Variants in MBNL3 observed in about 807,000 individuals in gnomAD.
MBNL3 encodes the protein muscleblind like splicing regulator 3, also known as muscleblind-like protein 3.
A neutral mutation model predicts 24.5 loss-of-function variants in MBNL3; 6 were observed. That is an observed-to-expected ratio of 0.25 (90% CI 0.13 to 0.48). MBNL3 has a LOEUF of 0.48. Among genes scored for constraint, MBNL3 ranks in the 20% least tolerant of loss-of-function variants. The probability of loss-of-function intolerance (pLI) is 0.99; values close to 1 mark genes in which losing one functional copy is unlikely to be tolerated. For synonymous variants in MBNL3, 100 were observed against 101.7 expected (o/e 0.98, Z 0.10); for missense variants, 230 against 293.5 (o/e 0.78, Z 1.58).
At chrX:132,391,384 A>T (rs1937153207) in intron 4 of MBNL3, among the ~76,000 whole-genome samples, 1 of 112,170 alleles carries the variant, frequency 8.9e-6, no homozygotes, top group African/African-American at 3.2e-5. Flanking sequence ...CAGTTAATAC[A>T]CAGCCTTAAG....
chrX:132,400,179 A>G (rs1202024178), intron 3 of MBNL3, among the ~76,000 whole-genome samples: 2 of 111,641 alleles, frequency 1.8e-5, no homozygotes, highest in Non-Finnish European at 3.8e-5. Flanking sequence ...ATATGTAACT[A>G]ACCTGCACAT....
At chrX:132,393,631 C>T (rs1293422646) in intron 3 of MBNL3, among the ~76,000 whole-genome samples, 1 of 111,229 alleles carries the variant, frequency 9.0e-6, no homozygotes, top group Non-Finnish European at 1.9e-5. Context: ...CTCAATGATA[C>T]ATTTTAAAAG....
In MBNL3 at chrX:132,443,984, T is replaced by TCCCCCCCCCCCCCCC. The variant is rs762809506; in HGVS notation, c.-703-3671_-703-3670insGGGGGGGGGGGGGGG. Among the ~76,000 whole-genome samples the TCCCCCCCCCCCCCCC allele has an allele frequency of 1.1e-3, 7 of 6,154 alleles. 3 individuals carry two copies. The highest frequency in any genetic ancestry group is 1.4e-3 in the Non-Finnish European group (5 of 3,556). The allele number at this position is 6,154 out of a possible 115,157, so 5.3% of individuals were successfully genotyped here. A position where few individuals can be genotyped will look rare whatever the true frequency, so the allele number is the denominator to read the frequency against. ...AAACTCAAGCAGCCTGACTCCAGAG[T>TCCCCCCCCCCCCCCC]CCGCCCCCCCCCCCCCCCCCCACCT... On this transcript the variant is annotated intron_variant, in intron 1 of 8. Coordinates refer to ENST00000370853, the MANE Select transcript of MBNL3 (RefSeq NM_001386889.1).
chrX:132,384,828 A>G (rs890900756), intron 6 of MBNL3, 130 bp from the exon 7 acceptor site: 7 of 462,267 alleles, frequency 1.5e-5, no homozygotes, highest in Non-Finnish European at 2.3e-5. Context: ...TGCAAGTCCA[A>G]CAATCTCCCA....
chrX:132,380,390 C>A (rs917029729), intron 8 of MBNL3, among the ~76,000 whole-genome samples: 3 of 111,837 alleles, frequency 2.7e-5, no homozygotes, highest in African/African-American at 9.8e-5. Flanking sequence ...CAAATGACAC[C>A]TCTGGAAACA....
intron 1 of MBNL3, among the ~76,000 whole-genome samples, chrX:132,441,879 G>A (rs192609255): frequency 3.6e-4 from 40 of 112,251 alleles, no homozygotes; most frequent in Non-Finnish European, 6.0e-4. Flanking sequence ...TAAACAAAAT[G>A]TGGTATATCC....
At chrX:132,388,703 CTG>C (rs781653730) in intron 5 of MBNL3, among the ~76,000 whole-genome samples, 2 of 111,140 alleles carry the variant, frequency 1.8e-5, no homozygotes, top group Non-Finnish European at 1.9e-5. Flanking sequence ...AGGTGTGAGA[CTG>C]TGGATGAACT....
chrX:132,393,570 C>T (rs111814703), intron 3 of MBNL3, among the ~76,000 whole-genome samples: 2 of 111,192 alleles, frequency 1.8e-5, no homozygotes. Context: ...TGATAGTTCT[C>T]ATCTCCCCTA....
At chrX:132,487,533 C>T (rs913286265) in intron 1 of MBNL3, among the ~76,000 whole-genome samples, 2 of 112,381 alleles carry the variant, frequency 1.8e-5, no homozygotes, top group Non-Finnish European at 3.8e-5. Context: ...CCTTTCCACA[C>T]ACTTGCTAAA....
intron 1 of MBNL3, among the ~76,000 whole-genome samples, chrX:132,441,453 A>G (rs930486714): frequency 8.9e-6 from 1 of 112,393 alleles, no homozygotes; most frequent in African/African-American, 3.2e-5. Context: ...CAGAAGTTCT[A>G]TGACTGCTCT....
Position 132,382,249 on chromosome X carries a change from G to T in MBNL3, c.982C>A (p.Pro328Thr), listed in dbSNP as rs1354391844. The T allele has an allele frequency of 1.7e-6, 2 of 1,204,523 alleles. No individual in the cohort carries two copies. The highest frequency in any genetic ancestry group is 4.4e-5 in the Admixed American group (2 of 45,869). Residue 328 changes from proline (P) to threonine (T), a missense_variant, in exon 8 of 9, where the codon CCT (proline) becomes ACT (threonine). Transcript: ENST00000370853. ...NIVPMMHGAT[P>T]TTVSAATTPA... Reference sequence around the variant, plus strand: ...GTTGTTGCTGCAGACACAGTGGTAGGTGTAGCACCGTGCATCATGGGCACT... The same window carrying T: ...GTTGTTGCTGCAGACACAGTGGTAGTTGTAGCACCGTGCATCATGGGCACT...
intron 1 of MBNL3, among the ~76,000 whole-genome samples, chrX:132,474,104 G>A: frequency 9.0e-6 from 1 of 111,314 alleles, no homozygotes; most frequent in East Asian, 2.8e-4. Flanking sequence ...AACCAGACCT[G>A]AGGTTTGTTA....
chrX:132,437,947 C>CAA (rs1031599016), intron 2 of MBNL3: 8 of 567,106 alleles, frequency 1.4e-5, no homozygotes, highest in Non-Finnish European at 1.5e-5. Flanking sequence ...GAATGGTCTG[C>CAA]AAAAAAAAAC....
At chrX:132,429,581 TTAATC>T (rs1423948532) in intron 2 of MBNL3, among the ~76,000 whole-genome samples, 17 of 112,159 alleles carry the variant, frequency 1.5e-4, no homozygotes, top group Admixed American at 1.5e-3. Context: ...TAATAAAGTC[TTAATC>T]TAAATTATCA....
chrX:132,385,673 G>A (rs1272924815), intron 6 of MBNL3, among the ~76,000 whole-genome samples: 4 of 110,914 alleles, frequency 3.6e-5, no homozygotes, highest in African/African-American at 1.3e-4. Flanking sequence ...TATACAAATT[G>A]TATAATTTAA....
intron 1 of MBNL3, among the ~76,000 whole-genome samples, chrX:132,465,689 TA>T (rs1216591770): frequency 2.7e-5 from 3 of 112,122 alleles, no homozygotes. Flanking sequence ...TGCATATTTA[TA>T]AAAAAGTAAA....
At chrX:132,471,938 G>T (rs772777703) in intron 1 of MBNL3, among the ~76,000 whole-genome samples, 1 of 112,322 alleles carries the variant, frequency 8.9e-6, no homozygotes, top group East Asian at 2.8e-4. Flanking sequence ...AATTTTCCAA[G>T]ATTATAAGTA....
intron 1 of MBNL3, among the ~76,000 whole-genome samples, chrX:132,460,450 C>A (rs745912351): frequency 4.8e-4 from 53 of 111,495 alleles, no homozygotes; most frequent in Middle Eastern, 4.6e-3. Flanking sequence ...AAACCCTGGG[C>A]AAGTTACCTA....
chrX:132,374,868 C>T lies in MBNL3; in HGVS notation c.*4798G>A, dbSNP rs1404829763. 6.3e-5 allele frequency: 7 copies of T among 111,732 alleles called. No homozygotes were observed. The highest frequency in any genetic ancestry group is 3.8e-4 in the Admixed American group (4 of 10,538). The allele number at this position is 111,732 out of a possible 1,213,427, so 9.2% of individuals were successfully genotyped here. A position where few individuals can be genotyped will look rare whatever the true frequency, so the allele number is the denominator to read the frequency against. ...CCAGAAAACAGAATTTTTGCAGCTA[C>T]AGCTATGCCACTTGAATGGGGTAAT... On this transcript the variant is annotated 3_prime_UTR_variant, in exon 9 of 9. Transcript: ENST00000370853.
Sources: gnomAD v4.1 joint callset for allele counts (sites outside exome capture counted in the v4.1 genomes callset) on GRCh38, gnomAD v4.1.1 for gene constraint, MANE v1.5 for transcripts, NCBI Gene and HGNC (gene_info 2026-07-23, HGNC 2026-07-21) for gene names.